TERB1: variants seen among roughly 807,000 people sequenced by gnomAD.
The protein encoded by TERB1 is telomere repeat binding bouquet formation protein 1, also known as telomere repeats-binding bouquet formation protein 1.
Under a neutral mutation model 92.3 loss-of-function variants are expected in TERB1, and 63 were observed. That is an observed-to-expected ratio of 0.68 (90% CI 0.56 to 0.84). The LOEUF (loss-of-function observed/expected upper bound fraction) is 0.84. Among genes scored for constraint, TERB1 ranks in the 40% least tolerant of loss-of-function variants. The probability of loss-of-function intolerance (pLI) is 0.00; values close to 1 mark genes in which losing one functional copy is unlikely to be tolerated. For missense variants in TERB1, 709 were observed against 843.7 expected (o/e 0.84, Z 1.98); for synonymous variants, 252 against 283.9 (o/e 0.89, Z 1.13).
intron 6 of TERB1, among the ~76,000 whole-genome samples, chr16:66,787,348 C>A (rs1035187346): frequency 3.5e-4 from 52 of 149,060 alleles, no homozygotes; most frequent in Admixed American, 1.0e-3. Context: ...AGGCTGGTTT[C>A]AAACTCCTGG....
intron 14 of TERB1, among the ~76,000 whole-genome samples, chr16:66,768,785 T>C (rs1200350273): frequency 6.6e-6 from 1 of 152,076 alleles, no homozygotes; most frequent in Non-Finnish European, 1.5e-5. Flanking sequence ...GATGAAAATA[T>C]TAATAAGTTG....
chr16:66,758,710 C>T, intron 18 of TERB1, 63 bp downstream of exon 18: 2 of 1,003,582 alleles, frequency 2.0e-6, no homozygotes, highest in Non-Finnish European at 3.0e-6. Flanking sequence ...CACTGCACTC[C>T]ATCCTGGGTA....
chr16:66,797,081 C>T (rs1959199949), intron 2 of TERB1, among the ~76,000 whole-genome samples: 1 of 152,082 alleles, frequency 6.6e-6, no homozygotes, highest in African/African-American at 2.4e-5. Context: ...AAATGATATT[C>T]CTATTTCACA....
chr16:66,755,549 T>C (rs1285902095), intron 18 of TERB1, among the ~76,000 whole-genome samples: 1 of 152,042 alleles, frequency 6.6e-6, no homozygotes, highest in Non-Finnish European at 1.5e-5. Flanking sequence ...CTGAGGAAGG[T>C]GGATTACTTG....
At chr16:66,792,015 T>C (rs2018843966) in intron 3 of TERB1, among the ~76,000 whole-genome samples, 1 of 152,144 alleles carries the variant, frequency 6.6e-6, no homozygotes, top group African/African-American at 2.4e-5. Context: ...CTCATGAACA[T>C]ACATGCAAAA....
chr16:66,792,196 G>T (rs1597026595), intron 3 of TERB1, among the ~76,000 whole-genome samples: 1 of 152,128 alleles, frequency 6.6e-6, no homozygotes, highest in East Asian at 1.9e-4. Context: ...TGTAAAAACA[G>T]CATCTGATAA....
Position 66,788,247 on chromosome 16 carries a change from A to G in TERB1, c.322T>C (p.Trp108Arg). ...ATGTTTGAATCATTAGATAAGAACC[A>G]AGTTAAGTCTTCAAACAACTCTGAA... is the stretch of plus-strand genomic sequence containing the variant. ...CTSELFEDLT[W>R]FLSNDSNINL... Residue 108 changes from tryptophan to arginine, a missense_variant, in exon 6 of 19, where the codon TGG becomes CGG. Trp to Arg is a moderately radical substitution (Grantham distance 101). Coordinates refer to ENST00000433154, the MANE Select transcript of TERB1 (RefSeq NM_001136505.2). 1 of 1,512,502 alleles carries G rather than the reference A, an allele frequency of 6.6e-7. No homozygotes were observed. The highest frequency in any genetic ancestry group is 1.3e-5 in the South Asian group (1 of 76,544). 93.7% of individuals were successfully genotyped at this position (1,512,502 alleles called of 1,614,324 possible). A position where few individuals can be genotyped will look rare whatever the true frequency, so the allele number is the denominator to read the frequency against.
At chr16:66,759,689 T>C (rs2145052126) in intron 16 of TERB1, among the ~76,000 whole-genome samples, 1 of 149,626 alleles carries the variant, frequency 6.7e-6, no homozygotes, top group East Asian at 2.0e-4. Context: ...TCCCAACTGC[T>C]TGGGAGGCTG....
intron 2 of TERB1, among the ~76,000 whole-genome samples, chr16:66,800,704 C>T (rs1959252989): frequency 6.6e-6 from 1 of 152,002 alleles, no homozygotes; most frequent in Non-Finnish European, 1.5e-5. Context: ...AGCGAAAATA[C>T]CCTCTAAAGA....
At position 66,791,098 on chromosome 16, in the gene TERB1, A is replaced by G. The variant is rs559104167; in HGVS notation, c.32-79T>C. The G allele has an allele frequency of 1.2e-4, 86 of 720,920 alleles. No homozygotes were observed. In the African/African-American group the frequency reaches 1.2e-3, roughly 10 times the overall value. 44.7% of individuals were successfully genotyped at this position (720,920 alleles called of 1,614,324 possible). A position where few individuals can be genotyped will look rare whatever the true frequency, so the allele number is the denominator to read the frequency against. On this transcript the variant is annotated intron_variant, in intron 3 of 18. Coordinates refer to ENST00000433154, the MANE Select transcript of TERB1 (RefSeq NM_001136505.2). The stretch of plus-strand genomic sequence containing the variant: ...ACCATTCAAATTTCACTTACTAAAT[A>G]CATATCTTTGGAATGGTCAACTTTT...
chr16:66,763,484 A>T (rs1421963393), intron 16 of TERB1, among the ~76,000 whole-genome samples: 1 of 152,168 alleles, frequency 6.6e-6, no homozygotes, highest in Non-Finnish European at 1.5e-5. Flanking sequence ...TTCAGGTTCA[A>T]GTGTTTTTAC....
intron 3 of TERB1, among the ~76,000 whole-genome samples, chr16:66,793,009 A>C (rs1198979559): frequency 6.6e-6 from 1 of 151,336 alleles, no homozygotes; most frequent in East Asian, 1.9e-4. Context: ...TTATTTTATA[A>C]AATTTTATTT....
intron 10 of TERB1, among the ~76,000 whole-genome samples, chr16:66,777,878 A>C (rs746275522): frequency 2.6e-5 from 4 of 152,238 alleles, no homozygotes; most frequent in Non-Finnish European, 4.4e-5. Flanking sequence ...TACTTCTCCA[A>C]ATGTGGCTTT....
chr16:66,763,639 T>A (rs1313364073), intron 16 of TERB1, among the ~76,000 whole-genome samples: 2 of 152,198 alleles, frequency 1.3e-5, no homozygotes, highest in African/African-American at 2.4e-5. Flanking sequence ...CCTCTTTTTT[T>A]AAATATTAAG....
intron 13 of TERB1, among the ~76,000 whole-genome samples, chr16:66,770,583 C>T (rs2018430609): frequency 6.6e-6 from 1 of 151,940 alleles, no homozygotes; most frequent in Non-Finnish European, 1.5e-5. Flanking sequence ...AATATAAAAA[C>T]AAAGTCATAT....
Position 66,792,680 on chromosome 16 carries a change from C to T in TERB1, c.32-1661G>A, listed in dbSNP as rs75630567. On this transcript the variant is annotated intron_variant, in intron 3 of 18. Coordinates refer to ENST00000433154, the MANE Select transcript of TERB1 (RefSeq NM_001136505.2). The stretch of plus-strand genomic sequence containing the variant: ...TTTATCATTGTATCAACATCATAGA[C>T]TTTACTTACACAAACCTAGATGGTA... Among the ~76,000 whole-genome samples, 1,330 of 152,276 alleles carry T rather than the reference C, an allele frequency of 8.7e-3. 51 individuals are homozygous for T. Among genetic ancestry groups the T allele is most frequent in the East Asian group, 0.072 (374 of 5,190 alleles).
chr16:66,769,351 C>A (rs1392061745), intron 14 of TERB1, among the ~76,000 whole-genome samples: 1 of 152,102 alleles, frequency 6.6e-6, no homozygotes, highest in Non-Finnish European at 1.5e-5. Context: ...TACCCTTCAA[C>A]CTGCCCGAAA....
chr16:66,761,613 A>G (rs1249356369), intron 16 of TERB1, among the ~76,000 whole-genome samples: 2 of 151,828 alleles, frequency 1.3e-5, no homozygotes, highest in Admixed American at 6.6e-5. Flanking sequence ...CAACATAGTG[A>G]GACCCTGTCC....
At chr16:66,759,363 T>C (rs929858666) in intron 16 of TERB1, 73 bp from the exon 17 acceptor site, 24 of 1,223,140 alleles carry the variant, frequency 2.0e-5, no homozygotes, top group Non-Finnish European at 2.6e-5. Flanking sequence ...ATAGCAAATA[T>C]CTATATGATG....
Sources: allele counts gnomAD v4.1 joint callset (sites outside exome capture counted in the v4.1 genomes callset), GRCh38; gene constraint gnomAD v4.1.1; transcripts MANE v1.5; gene names NCBI Gene and HGNC (gene_info 2026-07-23, HGNC 2026-07-21).